Variants in FOXP1 observed in about 807,000 individuals in gnomAD.
FOXP1 encodes the protein forkhead box protein P1.
In FOXP1, 15 loss-of-function variants were observed where a neutral mutation model predicts 98.2. The observed-to-expected ratio is 0.15, with a 90% CI of 0.10 to 0.24. The LOEUF is 0.24. FOXP1 is among the 10% of genes least tolerant of loss of function. The pLI is 1.00. For missense variants in FOXP1, 633 were observed against 848.5 expected (o/e 0.75, Z 3.15); for synonymous variants, 371 against 314.5 (o/e 1.18, Z -1.90).
At chr3:71,048,648 T>C (rs2049379279) in intron 9 of FOXP1, among the ~76,000 whole-genome samples, 1 of 152,176 alleles carries the variant, frequency 6.6e-6, no homozygotes, top group Admixed American at 6.5e-5. Context: ...ATCACATTAA[T>C]GTAAAACCCA....
At chr3:71,565,736 ATCT>A (rs1209959281) in intron 2 of FOXP1, among the ~76,000 whole-genome samples, 1 of 152,200 alleles carries the variant, frequency 6.6e-6, no homozygotes, top group Non-Finnish European at 1.5e-5. Context: ...AAGCAGATGA[ATCT>A]CATAAGCTTG....
intron 12 of FOXP1, among the ~76,000 whole-genome samples, chr3:71,004,482 T>A (rs189660401): frequency 2.0e-5 from 3 of 152,308 alleles, no homozygotes; most frequent in Admixed American, 2.0e-4. Flanking sequence ...TAGTTAAGAA[T>A]TATTAGCTGA....
intron 2 of FOXP1, among the ~76,000 whole-genome samples, chr3:71,541,280 A>T (rs13321074): frequency 0.32 from 48,169 of 152,120 alleles, 8,673 homozygotes; most frequent in African/African-American, 0.48. Context: ...ATATTTGGGC[A>T]TATGTAGACA....
At position 71,517,737 on chromosome 3, in the gene FOXP1, T is replaced by TAGGA. The variant is rs59002441; in HGVS notation, c.-297-24183_-297-24182insTCCT. Among the ~76,000 whole-genome samples, 910 of 152,306 alleles carry TAGGA rather than the reference T, an allele frequency of 6.0e-3. 8 individuals carry two copies. The highest frequency in any genetic ancestry group is 0.021 in the African/African-American group (877 of 41,540). ...ATTCCAGCTCCTTCATTTCATTAGT[T>TAGGA]ACATTCTTAGACAAGCTACTCACGC... On this transcript the variant is annotated intron_variant, in intron 2 of 20. Transcript: ENST00000649528.
At chr3:71,227,806 T>C (rs1030010442) in intron 5 of FOXP1, among the ~76,000 whole-genome samples, 7 of 151,938 alleles carry the variant, frequency 4.6e-5, no homozygotes, top group African/African-American at 1.7e-4. Context: ...CGTATTTACC[T>C]GCTATTCATC....
intron 13 of FOXP1, among the ~76,000 whole-genome samples, chr3:70,996,168 A>G (rs1374866719): frequency 6.6e-6 from 1 of 152,068 alleles, no homozygotes; most frequent in Admixed American, 6.5e-5. Flanking sequence ...GTGTTTTTAG[A>G]GATGGGGTAA....
intron 5 of FOXP1, among the ~76,000 whole-genome samples, chr3:71,276,504 C>T (rs1042316809): frequency 2.0e-5 from 3 of 152,214 alleles, no homozygotes; most frequent in Non-Finnish European, 4.4e-5. Flanking sequence ...ATGGTCACAT[C>T]AGAAATCTAG....
intron 13 of FOXP1, 128 bp downstream of exon 13, chr3:71,000,844 T>TAAA (rs1395214949): frequency 2.5e-6 from 1 of 404,230 alleles, no homozygotes; most frequent in Admixed American, 4.3e-5. Flanking sequence ...TAAAATAAAA[T>TAAA]AAAGGACAAT....
At chr3:71,411,636 C>A (rs543223192) in intron 3 of FOXP1, among the ~76,000 whole-genome samples, 24 of 152,278 alleles carry the variant, frequency 1.6e-4, no homozygotes, top group African/African-American at 5.5e-4. Flanking sequence ...GGTCTTCATA[C>A]CACATCTTCT....
At chr3:71,570,708 A>C (rs2047274618) in intron 2 of FOXP1, 1 of 152,240 alleles carries the variant, frequency 6.6e-6, no homozygotes, top group Non-Finnish European at 1.5e-5. Context: ...GCCTTTCACC[A>C]AGTTGAAATC....
At chr3:71,247,333 C>T (rs958092783) in intron 5 of FOXP1, among the ~76,000 whole-genome samples, 7 of 152,140 alleles carry the variant, frequency 4.6e-5, no homozygotes, top group Non-Finnish European at 1.0e-4. Context: ...GGCTGAGCTG[C>T]GACCTTCTGC....
At chr3:71,093,191 G>A (rs1026529672) in intron 7 of FOXP1, among the ~76,000 whole-genome samples, 3 of 150,714 alleles carry the variant, frequency 2.0e-5, no homozygotes, top group South Asian at 4.2e-4. Context: ...GAGGCAGAGG[G>A]TGCAGTGAGC....
chr3:71,520,700 T>G (rs1255030896), intron 2 of FOXP1, among the ~76,000 whole-genome samples: 7 of 152,192 alleles, frequency 4.6e-5, no homozygotes, highest in African/African-American at 1.7e-4. Flanking sequence ...ACAGTGTGTA[T>G]CAGAAACCTG....
intron 2 of FOXP1, among the ~76,000 whole-genome samples, chr3:71,562,504 A>T (rs2046617825): frequency 6.6e-6 from 1 of 152,190 alleles, no homozygotes; most frequent in Non-Finnish European, 1.5e-5. Flanking sequence ...ACTAGGCACA[A>T]TGAACTACTG....
At chr3:71,009,814 T>C (rs963658584) in intron 12 of FOXP1, among the ~76,000 whole-genome samples, 1 of 152,092 alleles carries the variant, frequency 6.6e-6, no homozygotes, top group South Asian at 2.1e-4. Context: ...AGTGGCATTA[T>C]CATAGCTCAC....
At chr3:71,413,183 T>C (rs1161782533) in intron 3 of FOXP1, among the ~76,000 whole-genome samples, 2 of 80,816 alleles carry the variant, frequency 2.5e-5, no homozygotes, top group African/African-American at 5.1e-5. Context: ...ACATCTCAAA[T>C]AGACACACAC....
chr3:71,385,800 C>T (rs575775144), intron 3 of FOXP1, among the ~76,000 whole-genome samples: 2 of 152,082 alleles, frequency 1.3e-5, no homozygotes, highest in African/African-American at 4.8e-5. Flanking sequence ...CCTTCTCCAG[C>T]CACTTTCTTT....
intron 3 of FOXP1, among the ~76,000 whole-genome samples, chr3:71,452,285 C>T (rs1357611756): frequency 6.6e-6 from 1 of 152,104 alleles, no homozygotes; most frequent in Non-Finnish European, 1.5e-5. Context: ...AGTCTCAAGA[C>T]TAAATACTCA....
chr3:71,583,792 C>A, upstream of FOXP1: 1 of 986,826 alleles, frequency 1.0e-6, no homozygotes, highest in African/African-American at 1.7e-5. Flanking sequence ...CTTCCCGGAG[C>A]CCAGCCAGCG....
Sources: allele counts gnomAD v4.1 joint callset (sites outside exome capture counted in the v4.1 genomes callset), GRCh38; gene constraint gnomAD v4.1.1; transcripts MANE v1.5; gene names NCBI Gene and HGNC (gene_info 2026-07-23, HGNC 2026-07-21).